Variants in TG observed in about 807,000 individuals in gnomAD.
TG encodes thyroglobulin, also known as thyroid hormones.
Under a neutral mutation model 324.7 loss-of-function variants are expected in TG, and 270 were observed. That is an observed-to-expected ratio of 0.83 (90% CI 0.75 to 0.92). TG has a LOEUF of 0.92. Ranked by LOEUF, TG falls within the 40% of genes least tolerant of loss-of-function variation. The pLI, the probability that TG is intolerant of heterozygous loss-of-function variation, is 0.00. For missense variants in TG, 3,591 were observed against 3,456.4 expected (o/e 1.04, Z -0.98); for synonymous variants, 1,401 against 1,327.0 (o/e 1.06, Z -1.21).
chr8:133,013,606 C>T lies in TG; in HGVS notation c.6404C>T (p.Ser2135Phe). 6.2e-7 allele frequency: 1 copy of T among 1,614,122 alleles called. No individual in the cohort carries two copies. Among genetic ancestry groups the T allele is most frequent in the Non-Finnish European group, 8.5e-7 (1 of 1,180,036 alleles). Reference protein sequence around the residue: ...AVRDLCLSECSQHEACLITTL... With the variant: ...AVRDLCLSECFQHEACLITTL... Reference sequence around the variant, plus strand: ...TTCTCCCTCTTTTCTGCAGAATGTTCCCAACATGAGGCCTGTCTCATCACC... The same window carrying T: ...TTCTCCCTCTTTTCTGCAGAATGTTTCCAACATGAGGCCTGTCTCATCACC... The change falls in exon 37 of 48, where the codon TCC becomes TTC. Residue 2135 changes from serine (S) to phenylalanine (F), a missense_variant. Ser to Phe is a radical substitution (Grantham distance 155). Transcript: ENST00000220616.
chr8:133,093,792 A>C (rs1197350714), intron 41 of TG, among the ~76,000 whole-genome samples: 1 of 152,216 alleles, frequency 6.6e-6, no homozygotes, highest in Non-Finnish European at 1.5e-5. Flanking sequence ...ACAGTGGCTC[A>C]GTGTTTGGCC....
intron 35 of TG, among the ~76,000 whole-genome samples, chr8:133,011,684 T>C (rs1277270747): frequency 6.6e-6 from 1 of 152,226 alleles, no homozygotes; most frequent in African/African-American, 2.4e-5. Context: ...TTTTCAACCT[T>C]TGTATTCCTA....
Position 132,908,222 on chromosome 8 carries a change from A to G in TG, c.3884A>G (p.His1295Arg), listed in dbSNP as rs767833294. 5.6e-6 allele frequency: 9 copies of G among 1,613,972 alleles called. No individual in the cohort carries two copies. Among genetic ancestry groups the G allele is most frequent in the Non-Finnish European group, 8.5e-7 (1 of 1,179,982 alleles). Residue 1295 changes from histidine (H) to arginine (R), a missense_variant, in exon 18 of 48, where the codon CAC becomes CGC. By Grantham distance (29) the His-to-Arg change is conservative. Coordinates refer to ENST00000220616, the MANE Select transcript of TG (RefSeq NM_003235.5). Reference sequence around the variant, plus strand: ...TGGCAGACCATCCAGACCCAAGGGCACTTTCAGCTCCAGCTCCCGCCGGGC... The same window carrying G: ...TGGCAGACCATCCAGACCCAAGGGCGCTTTCAGCTCCAGCTCCCGCCGGGC... ...QLWQTIQTQGHFQLQLPPGKM... is the reference protein window; with the variant it reads ...QLWQTIQTQGRFQLQLPPGKM...
chr8:132,976,078 T>C (rs1830136875), intron 34 of TG, among the ~76,000 whole-genome samples: 1 of 152,194 alleles, frequency 6.6e-6, no homozygotes, highest in East Asian at 1.9e-4. Flanking sequence ...TGATTAAATA[T>C]AGCAGAAGAA....
intron 41 of TG, among the ~76,000 whole-genome samples, chr8:133,032,465 G>A (rs540668479): frequency 3.9e-5 from 6 of 152,276 alleles, no homozygotes; most frequent in African/African-American, 1.4e-4. Flanking sequence ...TTCTTTTTGA[G>A]GGTTTAAGTG....
In TG at chr8:132,889,310, T is replaced by C. The variant is rs913677275; in HGVS notation, c.2761+742T>C. Among the ~76,000 whole-genome samples the C allele has an allele frequency of 2.6e-5, 4 of 152,250 alleles. No homozygotes were observed. In the South Asian group the frequency reaches 6.2e-4, roughly 24 times the overall value. On this transcript the variant is annotated intron_variant, in intron 10 of 47. Transcript: ENST00000220616. Reference sequence around the variant, plus strand: ...CAGCCATTGCTAATATTATAGGTGATATGACAGCTGTTCAGTAAAATCTCT... The same window carrying C: ...CAGCCATTGCTAATATTATAGGTGACATGACAGCTGTTCAGTAAAATCTCT...
chr8:133,090,064 G>A (rs947344211), intron 41 of TG: 4 of 152,182 alleles, frequency 2.6e-5, no homozygotes, highest in Admixed American at 6.5e-5. Context: ...TTTTTAAAAA[G>A]CATCCGCCTA....
intron 37 of TG, 72 bp downstream of exon 37, chr8:133,013,836 G>C (rs933362829): frequency 3.9e-6 from 6 of 1,549,408 alleles, no homozygotes; most frequent in Non-Finnish European, 5.2e-6. Flanking sequence ...TTAAACACTT[G>C]GTGAGTTGGA....
Position 133,013,670 on chromosome 8 carries a change from C to T in TG, c.6468C>T (p.Phe2156=). The T allele has an allele frequency of 6.2e-7, 1 of 1,614,198 alleles. No individual in the cohort carries two copies. The highest frequency in any genetic ancestry group is 8.5e-7 in the Non-Finnish European group (1 of 1,180,050). Reference sequence around the variant, plus strand: ...AACCTGGGGCTGTGAGATGTATGTTCTATGCTGATACTCAAAGCTGCACAC... The same window carrying T: ...AACCTGGGGCTGTGAGATGTATGTTTTATGCTGATACTCAAAGCTGCACAC... ...QTQPGAVRCM[F]YADTQSCTHS... is the part of the protein sequence containing the mutation. The change falls in exon 37 of 48, where the codon TTC becomes TTT. Residue 2156 remains phenylalanine, a synonymous_variant. Coordinates refer to ENST00000220616, the MANE Select transcript of TG (RefSeq NM_003235.5).
At chr8:133,087,353 G>C (rs1052081712) in intron 41 of TG, among the ~76,000 whole-genome samples, 1 of 152,144 alleles carries the variant, frequency 6.6e-6, no homozygotes, top group African/African-American at 2.4e-5. Flanking sequence ...GTATGAAAAG[G>C]ATTGCATTTG....
At position 133,063,930 on chromosome 8, in the gene TG, T is replaced by G. The variant is rs191588890; in HGVS notation, c.7240-31114T>G. Among the ~76,000 whole-genome samples, 36 of 152,378 alleles carry G rather than the reference T, an allele frequency of 2.4e-4. No homozygotes were observed. The Middle Eastern group carries it at 0.017, about 72-fold the overall frequency. On this transcript the variant is annotated intron_variant, in intron 41 of 47. Coordinates refer to ENST00000220616, the MANE Select transcript of TG (RefSeq NM_003235.5). ...TTTGATTTAATCTGTGACAATTTTATGCAGTGGCTGAAGGTGGGAGAGAGG... is the reference window on the plus strand; with the variant it reads ...TTTGATTTAATCTGTGACAATTTTAGGCAGTGGCTGAAGGTGGGAGAGAGG...
intron 16 of TG, among the ~76,000 whole-genome samples, chr8:132,903,703 C>A (rs1205471208): frequency 6.6e-6 from 1 of 152,168 alleles, no homozygotes; most frequent in African/African-American, 2.4e-5. Context: ...GACACCCAAA[C>A]CTCTTTCTGC....
At chr8:133,018,019 T>A in intron 38 of TG, 22 bp downstream of exon 38, 1 of 1,609,234 alleles carries the variant, frequency 6.2e-7, no homozygotes, top group South Asian at 1.1e-5. Context: ...GTGGAGCACA[T>A]CTTGGTAAAT....
chr8:133,118,758 A>G (rs1170989895), intron 45 of TG, among the ~76,000 whole-genome samples: 1 of 152,120 alleles, frequency 6.6e-6, no homozygotes, highest in Admixed American at 6.5e-5. Flanking sequence ...AAAATACCTT[A>G]GCTGAATAGT....
intron 44 of TG, among the ~76,000 whole-genome samples, chr8:133,115,526 T>A (rs1187862372): frequency 6.6e-6 from 1 of 152,144 alleles, no homozygotes; most frequent in Admixed American, 6.5e-5. Context: ...CACCAAAGGC[T>A]TTTATCCCAA....
intron 20 of TG, among the ~76,000 whole-genome samples, chr8:132,918,972 C>T (rs909348479): frequency 2.6e-5 from 4 of 152,170 alleles, no homozygotes; most frequent in African/African-American, 9.7e-5. Context: ...GGGCGATAGA[C>T]TAAGTGCTGC....
chr8:133,018,184 C>T (rs567673374), intron 38 of TG, among the ~76,000 whole-genome samples, 187 bp downstream of exon 38: 2 of 152,308 alleles, frequency 1.3e-5, no homozygotes, highest in African/African-American at 2.4e-5. Flanking sequence ...AGTGGCTTAA[C>T]ACTGTTTTGC....
At chr8:133,132,397 GA>G (rs767413181) in intron 46 of TG, among the ~76,000 whole-genome samples, 5 of 151,822 alleles carry the variant, frequency 3.3e-5, no homozygotes, top group Non-Finnish European at 7.3e-5. Context: ...TCTCTCCACA[GA>G]GGGGAATACC....
chr8:132,891,610 C>T (rs948844176), intron 10 of TG, among the ~76,000 whole-genome samples: 1 of 152,186 alleles, frequency 6.6e-6, no homozygotes, highest in African/African-American at 2.4e-5. Context: ...GCTAGGATTA[C>T]AGGCATGAAC....
Sources: allele counts gnomAD v4.1 joint callset (sites outside exome capture counted in the v4.1 genomes callset), GRCh38; gene constraint gnomAD v4.1.1; transcripts MANE v1.5; gene names NCBI Gene and HGNC (gene_info 2026-07-23, HGNC 2026-07-21).